USP32: variants seen among roughly 807,000 people sequenced by gnomAD.
The protein encoded by USP32 is ubiquitin carboxyl-terminal hydrolase 32.
In USP32, 59 loss-of-function variants were observed where a neutral mutation model predicts 204.8. The ratio of observed to expected loss-of-function variants is 0.29; its 90% CI spans 0.23 to 0.36. The LOEUF is 0.36. Among genes scored for constraint, USP32 ranks in the 10% least tolerant of loss-of-function variants. USP32 has a pLI of 1.00. For missense variants in USP32, 1,160 were observed against 1,946.4 expected (o/e 0.60, Z 7.60); for synonymous variants, 517 against 678.4 (o/e 0.76, Z 3.70).
Position 60,324,054 on chromosome 17 carries a change from G to C in USP32, c.186+21427C>G, listed in dbSNP as rs183199304. On this transcript the variant is annotated intron_variant, in intron 2 of 33. Transcript: ENST00000300896. ...CCAGCACTTTGGAAGGCCAAGGTAA[G>C]AAGATTGCTTGAGGCCAGGAGTTCA... is the stretch of plus-strand genomic sequence containing the variant. Among the ~76,000 whole-genome samples, 12 of 152,308 alleles carry C rather than the reference G, an allele frequency of 7.9e-5. No individual in the cohort carries two copies. In the East Asian group the frequency reaches 2.3e-3, roughly 29 times the overall value.
chr17:60,204,097 G>T (rs2084760257), intron 26 of USP32, among the ~76,000 whole-genome samples: 1 of 151,854 alleles, frequency 6.6e-6, no homozygotes, highest in Non-Finnish European at 1.5e-5. Context: ...AACCTTTAAT[G>T]CAATAGTTAT....
At chr17:60,248,427 G>C (rs1285411987) in intron 11 of USP32, among the ~76,000 whole-genome samples, 1 of 152,192 alleles carries the variant, frequency 6.6e-6, no homozygotes, top group Non-Finnish European at 1.5e-5. Context: ...AGAACTTTCA[G>C]ACATTATCTT....
At chr17:60,242,398 C>A (rs905797996) in intron 11 of USP32, among the ~76,000 whole-genome samples, 6 of 151,986 alleles carry the variant, frequency 3.9e-5, no homozygotes, top group Admixed American at 3.9e-4. Context: ...AACCATTGAC[C>A]AAAAATATAA....
At chr17:60,217,514 C>T (rs1305954959) in intron 16 of USP32, among the ~76,000 whole-genome samples, 2 of 151,986 alleles carry the variant, frequency 1.3e-5, no homozygotes, top group South Asian at 2.1e-4. Context: ...AGGTTGGTCT[C>T]GAACTCCTGA....
At chr17:60,265,271 G>A in intron 9 of USP32, 141 bp downstream of exon 9, 2 of 501,700 alleles carry the variant, frequency 4.0e-6, no homozygotes, top group Non-Finnish European at 7.0e-6. Context: ...GAGATAACTT[G>A]GAGGTGTTTT....
chr17:60,379,288 G>A (rs2089606725), intron 1 of USP32, among the ~76,000 whole-genome samples: 1 of 152,188 alleles, frequency 6.6e-6, no homozygotes, highest in South Asian at 2.1e-4. Flanking sequence ...TTTTTAACTA[G>A]TAGGAGATAA....
intron 2 of USP32, among the ~76,000 whole-genome samples, chr17:60,336,420 A>G (rs891643143): frequency 7.0e-6 from 1 of 143,370 alleles, no homozygotes; most frequent in African/African-American, 3.0e-5. Flanking sequence ...CTGTCTTACA[A>G]AAAGAAATGA....
intron 26 of USP32, 77 bp from the exon 27 acceptor site, chr17:60,198,521 G>A (rs2084586860): frequency 6.6e-7 from 1 of 1,523,616 alleles, no homozygotes; most frequent in East Asian, 2.3e-5. Flanking sequence ...CTAAATGCCT[G>A]CCAATGACAG....
At chr17:60,372,489 T>A (rs1567881431) in intron 1 of USP32, among the ~76,000 whole-genome samples, 1 of 151,602 alleles carries the variant, frequency 6.6e-6, no homozygotes, top group Non-Finnish European at 1.5e-5. Flanking sequence ...AGTATTTGTG[T>A]ATCTAAACAT....
At chr17:60,293,133 T>G (rs755581193) in intron 4 of USP32, among the ~76,000 whole-genome samples, 15 of 152,228 alleles carry the variant, frequency 9.9e-5, no homozygotes, top group Non-Finnish European at 1.9e-4. Flanking sequence ...AGATTTTCTC[T>G]ATTACCACCT....
At chr17:60,262,019 A>G (rs1489060798) in intron 9 of USP32, among the ~76,000 whole-genome samples, 1 of 152,242 alleles carries the variant, frequency 6.6e-6, no homozygotes, top group Non-Finnish European at 1.5e-5. Flanking sequence ...GTAAAAACAT[A>G]TAGAGCATTA....
intron 9 of USP32, among the ~76,000 whole-genome samples, chr17:60,256,319 GCAAAT>G (rs1297408946): frequency 6.6e-6 from 1 of 152,074 alleles, no homozygotes; most frequent in African/African-American, 2.4e-5. Context: ...AGAGGGGTAG[GCAAAT>G]CACTAGATTA....
At chr17:60,182,151 T>G (rs17584239) in intron 31 of USP32, among the ~76,000 whole-genome samples, 2,113 of 152,344 alleles carry the variant, frequency 0.014, 21 homozygotes, top group Non-Finnish European at 0.02. Flanking sequence ...GTACTGGGAA[T>G]TTGTTGCTGT....
rs770341249 is a variant in USP32, at chr17:60,192,828, T to C, written c.3521+16A>G. 5 of 1,612,268 alleles carry C rather than the reference T, an allele frequency of 3.1e-6. No homozygotes were observed. Among genetic ancestry groups the C allele is most frequent in the Non-Finnish European group, 4.2e-6 (5 of 1,178,308 alleles). ...CTGAAATTCTACTAAAGTAATTCTTTTGCAGGTCACTTTACCTATACCATG... is the reference window on the plus strand; with the variant it reads ...CTGAAATTCTACTAAAGTAATTCTTCTGCAGGTCACTTTACCTATACCATG... On this transcript the variant is annotated intron_variant, in intron 28 of 33. Coordinates refer to ENST00000300896, the MANE Select transcript of USP32 (RefSeq NM_032582.4).
intron 11 of USP32, among the ~76,000 whole-genome samples, chr17:60,246,677 C>T (rs1567799740): frequency 6.6e-6 from 1 of 152,164 alleles, no homozygotes; most frequent in Non-Finnish European, 1.5e-5. Context: ...ACTAGCACTT[C>T]CCTTTCTTCA....
intron 2 of USP32, among the ~76,000 whole-genome samples, chr17:60,342,476 C>G (rs1431633887): frequency 6.6e-6 from 1 of 152,202 alleles, no homozygotes; most frequent in Non-Finnish European, 1.5e-5. Flanking sequence ...CAGACAGGGA[C>G]GTTTAAGTCT....
At chr17:60,253,707 A>C (rs2086226192) in intron 10 of USP32, among the ~76,000 whole-genome samples, 1 of 152,120 alleles carries the variant, frequency 6.6e-6, no homozygotes, top group African/African-American at 2.4e-5. Flanking sequence ...TAGAGGTTGC[A>C]ATGAGCCCAG....
chr17:60,299,338 C>A (rs537898049), intron 3 of USP32, among the ~76,000 whole-genome samples: 104 of 152,230 alleles, frequency 6.8e-4, no homozygotes, highest in South Asian at 5.2e-3. Context: ...TCTTACAATT[C>A]GGGAGGCTAA....
At chr17:60,417,934 C>G (rs948520104) in intron 1 of USP32, among the ~76,000 whole-genome samples, 4 of 150,726 alleles carry the variant, frequency 2.7e-5, no homozygotes, top group African/African-American at 9.8e-5. Context: ...GGGCTACAGG[C>G]GTCCACCACC....
Sources: allele counts gnomAD v4.1 joint callset (sites outside exome capture counted in the v4.1 genomes callset), GRCh38; gene constraint gnomAD v4.1.1; transcripts MANE v1.5; gene names NCBI Gene and HGNC (gene_info 2026-07-23, HGNC 2026-07-21).